Variants in PPIE observed in about 807,000 individuals in gnomAD.
PPIE encodes the protein peptidyl-prolyl cis-trans isomerase E.
In PPIE, 20 loss-of-function variants were observed where a neutral mutation model predicts 38.4. That is an observed-to-expected ratio of 0.52 (90% CI 0.37 to 0.76). The LOEUF (loss-of-function observed/expected upper bound fraction) is 0.76, where lower values mean the gene tolerates loss of function less well. Ranked by LOEUF, PPIE falls within the 30% of genes least tolerant of loss-of-function variation. The probability of loss-of-function intolerance (pLI) is 0.00; values close to 1 mark genes in which losing one functional copy is unlikely to be tolerated. For missense variants in PPIE, 322 were observed against 385.8 expected, an observed-to-expected ratio of 0.83 and a Z score of 1.39; for synonymous variants, 142 against 135.7, an observed-to-expected ratio of 1.05 and a Z score of -0.32.
At chr1:39,753,102 G>T in intron 9 of PPIE, 50 bp downstream of exon 9, 1 of 1,610,834 alleles carries the variant, frequency 6.2e-7, no homozygotes, top group South Asian at 1.1e-5. Flanking sequence ...TAGGAGCACA[G>T]CCCTGTGTGA....
chr1:39,743,110 A>C, intron 4 of PPIE, 106 bp from the exon 5 acceptor site: 2 of 990,834 alleles, frequency 2.0e-6, no homozygotes, highest in African/African-American at 3.2e-5. Flanking sequence ...AGGCCCAGGG[A>C]TTAAGGGAGG....
rs942832963 is a variant in PPIE at position 39,756,623 on chromosome 1, G to A, written c.*3268G>A. 4.1e-6 allele frequency: 4 copies of A among 984,882 alleles called. No individual in the cohort carries two copies. In the African/African-American group the frequency reaches 7.0e-5, roughly 17 times the overall value. The allele number at this position is 984,882 out of a possible 1,614,324, so 61.0% of individuals were successfully genotyped here. A position where few individuals can be genotyped will look rare whatever the true frequency, so the allele number is the denominator to read the frequency against. ...TGGAGTCTTGTAGAGTTCAGTGATGGGAAACTAAAGTAGAAAAAGCACATC... is the reference window on the plus strand; with the variant it reads ...TGGAGTCTTGTAGAGTTCAGTGATGAGAAACTAAAGTAGAAAAAGCACATC... On this transcript the variant is annotated 3_prime_UTR_variant, in exon 10 of 10. Coordinates refer to ENST00000324379, the MANE Select transcript of PPIE (RefSeq NM_006112.4).
chr1:39,755,341 G>A lies in PPIE; in HGVS notation c.*1986G>A, dbSNP rs1292033111. The A allele has an allele frequency of 3.0e-6, 3 of 985,460 alleles. No homozygotes were observed. The highest frequency in any genetic ancestry group is 3.6e-6 in the Non-Finnish European group (3 of 829,932). 61.0% of individuals were successfully genotyped at this position (985,460 alleles called of 1,614,324 possible). ...AGGATAGCTCTTGCTGAGGGATGGT[G>A]GCATTCTGCCCTACCTCTGGCTCCC... On this transcript the variant is annotated 3_prime_UTR_variant, in exon 10 of 10. Coordinates refer to ENST00000324379, the MANE Select transcript of PPIE (RefSeq NM_006112.4).
At chr1:39,742,186 GAC>G (rs1021090306) in intron 4 of PPIE, 29 of 439,818 alleles carry the variant, frequency 6.6e-5, no homozygotes, top group Non-Finnish European at 1.1e-4. Context: ...ATAATTTGCA[GAC>G]ACAGTGCAAA....
rs543582592 is a variant in PPIE, at chr1:39,752,446, GACAC to G, written c.695-454_695-451del. 9.9e-5 allele frequency among the ~76,000 whole-genome samples: 15 copies of G among 152,038 alleles called. 1 individual carries two copies. The highest frequency in any genetic ancestry group is 9.2e-4 in the Admixed American group (14 of 15,272). Reference sequence around the variant, plus strand: ...GATCAGAAACTTAGGAGTCATTGTGGACACACACACACATACATACATGTACACA... The same window carrying G: ...GATCAGAAACTTAGGAGTCATTGTGGACACACACATACATACATGTACACA... On this transcript the variant is annotated intron_variant, in intron 8 of 9. Coordinates refer to ENST00000324379, the MANE Select transcript of PPIE (RefSeq NM_006112.4).
intron 1 of PPIE, among the ~76,000 whole-genome samples, chr1:39,739,500 C>A (rs2124280033): frequency 6.6e-6 from 1 of 152,298 alleles, no homozygotes; most frequent in African/African-American, 2.4e-5. Flanking sequence ...GTGGAATTAC[C>A]TCAGTAGCAC....
In PPIE at chr1:39,754,959, A is replaced by C. The variant is rs1648111415; in HGVS notation, c.*1604A>C. 2 of 965,252 alleles carry C rather than the reference A, an allele frequency of 2.1e-6. No homozygotes were observed. The highest frequency in any genetic ancestry group is 1.2e-4 in the Admixed American group (2 of 16,250). The allele number at this position is 965,252 out of a possible 1,614,324, so 59.8% of individuals were successfully genotyped here. On this transcript the variant is annotated 3_prime_UTR_variant, in exon 10 of 10. Coordinates refer to ENST00000324379, the MANE Select transcript of PPIE (RefSeq NM_006112.4). ...ATTGACACACAAAATAGACCATCACAGTCCCAAGGCCTAAAATACTTACTA... is the reference window on the plus strand; with the variant it reads ...ATTGACACACAAAATAGACCATCACCGTCCCAAGGCCTAAAATACTTACTA...
At chr1:39,745,540 C>A in intron 7 of PPIE, 42 bp downstream of exon 7, 1 of 1,613,006 alleles carries the variant, frequency 6.2e-7, no homozygotes, top group Non-Finnish European at 8.5e-7. Flanking sequence ...ACGCTGGTGG[C>A]TGAGCAGTGA....
intron 8 of PPIE, among the ~76,000 whole-genome samples, chr1:39,751,027 G>C (rs1016782422): frequency 2.6e-5 from 4 of 152,242 alleles, no homozygotes; most frequent in African/African-American, 9.6e-5. Flanking sequence ...AGCTGTGTCA[G>C]AACACAAAGT....
intron 6 of PPIE, 125 bp from the exon 7 acceptor site, chr1:39,745,250 T>A: frequency 7.5e-7 from 1 of 1,331,166 alleles, no homozygotes; most frequent in Non-Finnish European, 1.0e-6. Context: ...CCCAAGGCCT[T>A]CCCCGTCAGC....
In PPIE at chr1:39,752,934, G is replaced by A; in HGVS notation, c.719G>A (p.Gly240Asp). 6.2e-7 allele frequency: 1 copy of A among 1,614,070 alleles called. No homozygotes were observed. The highest frequency in any genetic ancestry group is 8.5e-7 in the Non-Finnish European group (1 of 1,179,964). The change falls in exon 9 of 10, where the codon GGC becomes GAC. Residue 240 changes from glycine (G) to aspartate (D), a missense_variant. Gly to Asp is a moderately conservative substitution (Grantham distance 94, BLOSUM62 -1). Transcript: ENST00000324379. ...GGTCTACTATCCATGGCCAACTCTG[G>A]CCCAAACACCAATGGCTCTCAGTTC... is the stretch of plus-strand genomic sequence containing the variant. ...GPGLLSMANS[G>D]PNTNGSQFFL...
chr1:39,756,506 C>T lies in PPIE; in HGVS notation c.*3151C>T. On this transcript the variant is annotated 3_prime_UTR_variant, in exon 10 of 10. Transcript: ENST00000324379. ...TCCTCTCCAACAGCATGACAGCCGC[C>T]TCCAGGTGCTCCCAGCATCTGTTGC... The T allele has an allele frequency of 1.0e-6, 1 of 985,436 alleles. No homozygotes were observed. Among genetic ancestry groups the T allele is most frequent in the Non-Finnish European group, 1.2e-6 (1 of 829,930 alleles). The allele number at this position is 985,436 out of a possible 1,614,324, so 61.0% of individuals were successfully genotyped here.
intron 4 of PPIE, chr1:39,742,410 A>G (rs534053416): frequency 1.3e-5 from 2 of 153,328 alleles, no homozygotes; most frequent in Admixed American, 1.3e-4. Flanking sequence ...CATGTCTGAT[A>G]AGAAGTGCAA....
At chr1:39,758,265 C>T (rs995382701), downstream of PPIE, 6 of 152,232 alleles carry the variant, frequency 3.9e-5, no homozygotes, top group Non-Finnish European at 7.3e-5. Context: ...CAGTTTTGCT[C>T]ATGTCACCAG....
intron 9 of PPIE, chr1:39,762,357 C>T (rs370443180): frequency 5.2e-6 from 5 of 955,794 alleles, no homozygotes; most frequent in Middle Eastern, 3.4e-4. Flanking sequence ...ACCGTTGAAC[C>T]TCCTAAGGGG....
At chr1:39,761,598 G>T (rs1479109106), downstream of PPIE, among the ~76,000 whole-genome samples, 3 of 151,982 alleles carry the variant, frequency 2.0e-5, no homozygotes, top group Non-Finnish European at 2.9e-5. Context: ...GCCCACCCTG[G>T]TGTCACCTCC....
chr1:39,757,723 A>G (rs907314933), downstream of PPIE: 2 of 152,258 alleles, frequency 1.3e-5, no homozygotes, highest in Non-Finnish European at 2.9e-5. Context: ...AGAAAAGGGA[A>G]ATGGTGGTAT....
intron 8 of PPIE, among the ~76,000 whole-genome samples, chr1:39,751,124 G>C (rs1647684300): frequency 6.6e-6 from 1 of 152,238 alleles, no homozygotes; most frequent in South Asian, 2.1e-4. Flanking sequence ...TAGGAGTGAT[G>C]CTATTGGTGA....
At position 39,745,506 on chromosome 1, in the gene PPIE, G is replaced by GGA. The variant is rs1488148591; in HGVS notation, c.508+9_508+10dup. On this transcript the variant is annotated intron_variant, in intron 7 of 9. Transcript: ENST00000324379. Reference sequence around the variant, plus strand: ...TCGTGCCCATGACAGCAGGTGAGCAGGACGCTGTGGTCAGAACGGCGGGAC... The same window carrying GGA: ...TCGTGCCCATGACAGCAGGTGAGCAGGAGACGCTGTGGTCAGAACGGCGGGAC... The GGA allele has an allele frequency of 3.1e-6, 5 of 1,614,206 alleles. No homozygotes were observed. The highest frequency in any genetic ancestry group is 4.2e-6 in the Non-Finnish European group (5 of 1,180,034).
Sources: gnomAD v4.1 joint callset for allele counts (sites outside exome capture counted in the v4.1 genomes callset) on GRCh38, gnomAD v4.1.1 for gene constraint, MANE v1.5 for transcripts, NCBI Gene and HGNC (gene_info 2026-07-23, HGNC 2026-07-21) for gene names.